The following APP variants were observed in gnomAD, a reference collection of about 807,000 sequenced individuals.
The protein encoded by APP is amyloid beta precursor protein.
A neutral mutation model predicts 101.4 loss-of-function variants in APP; 31 were observed. The ratio of observed to expected loss-of-function variants is 0.31; its 90% CI spans 0.23 to 0.41. The LOEUF is 0.41. APP is among the 10% of genes least tolerant of loss of function. The pLI is 1.00. For missense variants in APP, 839 were observed against 1,003.7 expected, an observed-to-expected ratio of 0.84 and a Z score of 2.22; for synonymous variants, 366 against 364.4, an observed-to-expected ratio of 1.00 and a Z score of -0.05.
chr21:25,999,324 C>A (rs760244187), intron 7 of APP, among the ~76,000 whole-genome samples: 1 of 152,018 alleles, frequency 6.6e-6, no homozygotes, highest in Non-Finnish European at 1.5e-5. Flanking sequence ...TTATGTTCCT[C>A]GAGCCTTATG....
At chr21:26,021,695 A>G in intron 6 of APP, 145 bp downstream of exon 6, 2 of 1,224,862 alleles carry the variant, frequency 1.6e-6, no homozygotes, top group Non-Finnish European at 2.3e-6. Flanking sequence ...AACCAAAAAA[A>G]TTTCACAAGC....
intron 1 of APP, among the ~76,000 whole-genome samples, chr21:26,128,201 C>A (rs368938667): frequency 6.6e-6 from 1 of 152,296 alleles, no homozygotes; most frequent in Non-Finnish European, 1.5e-5. Flanking sequence ...CCCAGCTACA[C>A]GCTCAGTGTG....
intron 14 of APP, among the ~76,000 whole-genome samples, chr21:25,907,054 T>G (rs1035492267): frequency 6.6e-6 from 1 of 152,144 alleles, no homozygotes; most frequent in Non-Finnish European, 1.5e-5. Context: ...AAGTAAATGG[T>G]TTTTCCAGGG....
At chr21:26,042,884 C>T (rs933193092) in intron 5 of APP, among the ~76,000 whole-genome samples, 5 of 151,946 alleles carry the variant, frequency 3.3e-5, no homozygotes, top group African/African-American at 1.2e-4. Flanking sequence ...ATACTGCACT[C>T]CAGCATGTGT....
chr21:25,881,352 A>G lies in APP; in HGVS notation c.*318T>C, dbSNP rs2036972134. On this transcript the variant is annotated 3_prime_UTR_variant, in exon 18 of 18. Transcript: ENST00000346798. Reference sequence around the variant, plus strand: ...CCACAAGAATAATATACAACTGGCTAAGGGGCTATGTGATAAATAATCAGG... The same window carrying G: ...CCACAAGAATAATATACAACTGGCTGAGGGGCTATGTGATAAATAATCAGG... 2.5e-6 allele frequency: 1 copy of G among 408,138 alleles called. No homozygotes were observed. Among genetic ancestry groups the G allele is most frequent in the South Asian group, 2.3e-5 (1 of 43,722 alleles). The allele number at this position is 408,138 out of a possible 1,614,324, so 25.3% of individuals were successfully genotyped here.
intron 3 of APP, among the ~76,000 whole-genome samples, chr21:26,076,814 G>A (rs140739950): frequency 0.052 from 7,856 of 152,010 alleles, 262 homozygotes; most frequent in South Asian, 0.096. Flanking sequence ...CTGTAATCCC[G>A]GCACTTTGGG....
chr21:25,963,553 T>C (rs910104737), intron 11 of APP, among the ~76,000 whole-genome samples: 4 of 152,222 alleles, frequency 2.6e-5, no homozygotes, highest in Admixed American at 2.6e-4. Context: ...AATTGCACCC[T>C]GGTGGTTTCC....
At chr21:25,994,690 T>C (rs1259233767) in intron 8 of APP, among the ~76,000 whole-genome samples, 1 of 152,222 alleles carries the variant, frequency 6.6e-6, no homozygotes, top group Non-Finnish European at 1.5e-5. Context: ...CAACTGGCTC[T>C]AGATTGTTGA....
chr21:25,970,178 G>A lies in APP; in HGVS notation c.1458+4892C>T, dbSNP rs917704232. Among the ~76,000 whole-genome samples the A allele has an allele frequency of 9.2e-5, 14 of 151,628 alleles. 1 individual carries two copies. Among genetic ancestry groups the A allele is most frequent in the Admixed American group, 8.5e-4 (13 of 15,220 alleles). Reference sequence around the variant, plus strand: ...ATGAACATGTTGCCTAATTCCATATGAAGCAATGCGGAGGCCCACAATAAG... The same window carrying A: ...ATGAACATGTTGCCTAATTCCATATAAAGCAATGCGGAGGCCCACAATAAG... On this transcript the variant is annotated intron_variant, in intron 11 of 17. Coordinates refer to ENST00000346798, the MANE Select transcript of APP (RefSeq NM_000484.4).
intron 2 of APP, among the ~76,000 whole-genome samples, chr21:26,105,630 T>C (rs1463432780): frequency 1.3e-5 from 2 of 152,070 alleles, no homozygotes; most frequent in African/African-American, 4.8e-5. Context: ...AACACCAGAA[T>C]AGCTACAATG....
intron 5 of APP, among the ~76,000 whole-genome samples, chr21:26,039,975 A>G (rs1342907975): frequency 6.6e-6 from 1 of 152,202 alleles, no homozygotes; most frequent in Non-Finnish European, 1.5e-5. Flanking sequence ...CTGGGACCAG[A>G]AGTGTTTCAG....
At chr21:25,896,160 C>G (rs1176034168) in intron 16 of APP, among the ~76,000 whole-genome samples, 5 of 152,078 alleles carry the variant, frequency 3.3e-5, no homozygotes, top group African/African-American at 4.8e-5. Flanking sequence ...AAACCCTGAT[C>G]TTATAACAAC....
intron 2 of APP, among the ~76,000 whole-genome samples, chr21:26,103,609 A>C (rs1171254216): frequency 6.6e-6 from 1 of 152,234 alleles, no homozygotes; most frequent in Non-Finnish European, 1.5e-5. Context: ...AAAAAAAAGA[A>C]AAAGAAAAAA....
At chr21:26,019,661 TA>T (rs11295668) in intron 6 of APP, among the ~76,000 whole-genome samples, 152,317 of 152,320 alleles carry the variant, frequency 1, 76,157 homozygotes, top group Middle Eastern at 1. Context: ...ATGTTTCAAG[TA>T]AAATGGGACA....
intron 17 of APP, among the ~76,000 whole-genome samples, chr21:25,888,563 A>G (rs2037491013): frequency 6.6e-6 from 1 of 152,264 alleles, no homozygotes; most frequent in Admixed American, 6.5e-5. Flanking sequence ...AACAAACACG[A>G]ATGAGGTGGA....
chr21:25,881,841 T>C, intron 17 of APP, 70 bp from the exon 18 acceptor site: 1 of 1,463,012 alleles, frequency 6.8e-7, no homozygotes, highest in African/African-American at 1.4e-5. Context: ...GGAGAAGCAG[T>C]AAAAAGATAA....
intron 8 of APP, among the ~76,000 whole-genome samples, chr21:25,987,079 G>A (rs886603065): frequency 6.6e-6 from 1 of 152,196 alleles, no homozygotes; most frequent in African/African-American, 2.4e-5. Flanking sequence ...TTTTGTTAAT[G>A]AGCAGCACAA....
intron 15 of APP, among the ~76,000 whole-genome samples, chr21:25,904,292 T>C (rs1352603821): frequency 6.6e-6 from 1 of 152,248 alleles, no homozygotes; most frequent in African/African-American, 2.4e-5. Context: ...ATGCTTCTGC[T>C]GTGCTATGAC....
At chr21:26,150,529 C>T (rs2063244439) in intron 1 of APP, among the ~76,000 whole-genome samples, 1 of 152,150 alleles carries the variant, frequency 6.6e-6, no homozygotes, top group Non-Finnish European at 1.5e-5. Flanking sequence ...CTCTATCCAG[C>T]TCCTCACTGG....
Sources: gnomAD v4.1 joint callset for allele counts (sites outside exome capture counted in the v4.1 genomes callset) on GRCh38, gnomAD v4.1.1 for gene constraint, MANE v1.5 for transcripts, NCBI Gene and HGNC (gene_info 2026-07-23, HGNC 2026-07-21) for gene names.